Variants in TBL1Y observed in about 807,000 individuals in gnomAD.
The protein encoded by TBL1Y is transducin beta like 1 Y-linked, also known as F-box-like/WD repeat-containing protein TBL1Y.
Under a neutral mutation model 12.0 loss-of-function variants are expected in TBL1Y, and 15 were observed. The observed-to-expected ratio is 1.25, with a 90% CI of 0.83 to 1.92. TBL1Y has a LOEUF of 1.92. Ranked by LOEUF, TBL1Y falls within the 40% of genes most tolerant of loss-of-function variation. TBL1Y has a pLI of 0.00. For missense variants in TBL1Y, 148 were observed against 116.7 expected, an observed-to-expected ratio of 1.27 and a Z score of -1.24; for synonymous variants, 53 against 42.6, an observed-to-expected ratio of 1.24 and a Z score of -0.95.
At chrY:7,086,201 C>G in intron 15 of TBL1Y, 89 bp from the exon 16 acceptor site, 1 of 364,663 alleles carries the variant, frequency 2.7e-6, no homozygotes, top group Non-Finnish European at 3.9e-6. Context: ...GGCCATTAGC[C>G]TCACTTATGC....
At chrY:6,928,380 G>A (rs2011841434) in intron 2 of TBL1Y, among the ~76,000 whole-genome samples, 1 of 33,615 alleles carries the variant, frequency 3.0e-5, no homozygotes, top group South Asian at 6.7e-4. Context: ...TGCTTTGCCC[G>A]AGGAAAACCT....
intron 2 of TBL1Y, among the ~76,000 whole-genome samples, chrY:6,941,382 G>A: frequency 3.0e-5 from 1 of 33,137 alleles, no homozygotes; most frequent in Non-Finnish European, 7.4e-5. Context: ...GTAGCCGGGT[G>A]TGGTGGCAGA....
rs201067834 is a variant in TBL1Y, at chrY:6,938,470, C to A, written c.-266+26298C>A. Among the ~76,000 whole-genome samples, 53 of 33,803 alleles carry A rather than the reference C, an allele frequency of 1.6e-3. No individual in the cohort carries two copies. In the East Asian group the frequency reaches 0.041, roughly 26 times the overall value. The allele number at this position is 33,803 out of a possible 37,273, so 90.7% of individuals were successfully genotyped here. On this transcript the variant is annotated intron_variant, in intron 2 of 18. Transcript: ENST00000383032. ...CCTTGCTTTTTCTGGCTCCTGGAGG[C>A]TGGCGATATTCCTGGGCTTGTGGCC...
chrY:7,021,858 A>AAT (rs2012584152), intron 5 of TBL1Y, among the ~76,000 whole-genome samples: 1 of 33,328 alleles, frequency 3.0e-5, no homozygotes. Context: ...TCTCTTGTGA[A>AAT]TATTATAATT....
At chrY:7,046,541 A>G in intron 7 of TBL1Y, among the ~76,000 whole-genome samples, 3 of 33,800 alleles carry the variant, frequency 8.9e-5, no homozygotes, top group Non-Finnish European at 1.5e-4. Context: ...TTACCATAGA[A>G]TGTGCCATAG....
intron 2 of TBL1Y, among the ~76,000 whole-genome samples, chrY:6,954,160 C>T (rs778757844): frequency 2.0e-4 from 7 of 34,164 alleles, no homozygotes; most frequent in Admixed American, 1.8e-3. Context: ...GTTCTCAGAT[C>T]TCCAGCTGCA....
intron 2 of TBL1Y, among the ~76,000 whole-genome samples, chrY:6,952,201 G>T (rs2012034912): frequency 3.0e-5 from 1 of 32,912 alleles, no homozygotes; most frequent in African/African-American, 1.2e-4. Context: ...TCGGCTTGGT[G>T]CAGAGCTGAG....
At chrY:7,057,986 C>A (rs993210863) in intron 7 of TBL1Y, among the ~76,000 whole-genome samples, 2 of 33,786 alleles carry the variant, frequency 5.9e-5, no homozygotes. Context: ...TATTTGATTG[C>A]GGGCTTTAAA....
intron 2 of TBL1Y, among the ~76,000 whole-genome samples, chrY:6,964,582 A>G: frequency 6.0e-5 from 2 of 33,129 alleles, no homozygotes; most frequent in Admixed American, 2.8e-4. Context: ...ATATTCTTGT[A>G]CTCCATCAAT....
At chrY:6,929,271 G>A in intron 2 of TBL1Y, among the ~76,000 whole-genome samples, 1 of 33,140 alleles carries the variant, frequency 3.0e-5, no homozygotes, top group Admixed American at 2.7e-4. Context: ...TCCAAGCTGA[G>A]GGGTGCCTGC....
intron 2 of TBL1Y, among the ~76,000 whole-genome samples, chrY:6,970,686 C>T: frequency 2.9e-5 from 1 of 34,054 alleles, no homozygotes; most frequent in African/African-American, 1.1e-4. Flanking sequence ...GCACTGCAGA[C>T]GCAGGCTTCC....
At chrY:6,953,750 C>A in intron 2 of TBL1Y, among the ~76,000 whole-genome samples, 1 of 33,456 alleles carries the variant, frequency 3.0e-5, no homozygotes, top group Non-Finnish European at 7.4e-5. Flanking sequence ...GGAGGAGAGG[C>A]GCTCTGATTT....
At chrY:7,053,200 C>T (rs2012808366) in intron 7 of TBL1Y, among the ~76,000 whole-genome samples, 1 of 33,782 alleles carries the variant, frequency 3.0e-5, no homozygotes, top group Non-Finnish European at 7.3e-5. Context: ...ATCCCGTTTT[C>T]CCATTTGACA....
intron 2 of TBL1Y, among the ~76,000 whole-genome samples, chrY:6,961,989 C>T (rs751524801): frequency 4.4e-3 from 150 of 34,050 alleles, no homozygotes; most frequent in Admixed American, 0.02. Context: ...ATGGGAAGTA[C>T]TTTCTCCTGT....
chrY:7,084,465 T>C, intron 14 of TBL1Y, among the ~76,000 whole-genome samples: 1 of 33,813 alleles, frequency 3.0e-5, no homozygotes, highest in African/African-American at 1.2e-4. Context: ...AACTTTTGTA[T>C]TTTTAGTAGA....
At position 6,954,201 on chromosome Y, in the gene TBL1Y, T is replaced by C. The variant is rs1603029168; in HGVS notation, c.-265-24012T>C. Among the ~76,000 whole-genome samples the C allele has an allele frequency of 1.8e-4, 6 of 34,231 alleles. No homozygotes were observed. The South Asian group carries it at 3.9e-3, about 22-fold the overall frequency. 91.8% of individuals were successfully genotyped at this position (34,231 alleles called of 37,273 possible). ...GGAGAACCACTGCTCTCTTCAAAGC[T>C]GTCAGACAGGGACATTTAAGTCTGC... On this transcript the variant is annotated intron_variant, in intron 2 of 18. Transcript: ENST00000383032.
chrY:7,025,028 C>T lies in TBL1Y; in HGVS notation c.-50-7C>T. On this transcript the variant is annotated splice_polypyrimidine_tract_variant and splice_region_variant and intron_variant, in intron 5 of 18. Coordinates refer to ENST00000383032, the MANE Select transcript of TBL1Y (RefSeq NM_033284.2). ...GTGTTTCAAAACTGTCTTCTTTTTT[C>T]AAACAGAGGGTGGTTCCAACTTCAT... 1 of 368,958 alleles carries T rather than the reference C, an allele frequency of 2.7e-6. No individual in the cohort carries two copies. The highest frequency in any genetic ancestry group is 3.8e-6 in the Non-Finnish European group (1 of 261,289). 92.0% of individuals were successfully genotyped at this position (368,958 alleles called of 400,897 possible).
chrY:6,998,393 GTA>G (rs2124138630), intron 4 of TBL1Y, among the ~76,000 whole-genome samples: 1 of 32,564 alleles, frequency 3.1e-5, no homozygotes, highest in Non-Finnish European at 7.5e-5. Flanking sequence ...TCATTAGAAA[GTA>G]TTATTTCTCT....
chrY:7,062,956 C>T, intron 7 of TBL1Y, among the ~76,000 whole-genome samples: 3 of 33,944 alleles, frequency 8.8e-5, no homozygotes, highest in Non-Finnish European at 2.2e-4. Flanking sequence ...TTTCCCTGGT[C>T]TGTGCACAGA....
Sources: gnomAD v4.1 joint callset for allele counts (sites outside exome capture counted in the v4.1 genomes callset) on GRCh38, gnomAD v4.1.1 for gene constraint, MANE v1.5 for transcripts, NCBI Gene and HGNC (gene_info 2026-07-23, HGNC 2026-07-21) for gene names.